SLC25A40: variants seen among roughly 807,000 people sequenced by gnomAD.
The protein encoded by SLC25A40 is mitochondrial glutathione transporter SLC25A40.
Under a neutral mutation model 46.5 loss-of-function variants are expected in SLC25A40, and 41 were observed. That is an observed-to-expected ratio of 0.88 (90% CI 0.69 to 1.14). SLC25A40 has a LOEUF of 1.14. Among genes scored for constraint, SLC25A40 ranks in the 50% most tolerant of loss-of-function variants. The pLI, the probability that SLC25A40 is intolerant of heterozygous loss-of-function variation, is 0.00. For missense variants in SLC25A40, 386 were observed against 393.6 expected (o/e 0.98, Z 0.16); for synonymous variants, 126 against 127.5 (o/e 0.99, Z 0.08).
At chr7:87,847,802 A>C (rs1331248674) in intron 7 of SLC25A40, 51 bp downstream of exon 7, 1 of 1,557,502 alleles carries the variant, frequency 6.4e-7, no homozygotes, top group African/African-American at 1.4e-5. Flanking sequence ...TCACAACTTA[A>C]ACAGAAGCTC....
At chr7:87,840,207 A>T (rs914932975) in intron 10 of SLC25A40, among the ~76,000 whole-genome samples, 19 of 151,748 alleles carry the variant, frequency 1.3e-4, no homozygotes, top group Non-Finnish European at 2.8e-4. Flanking sequence ...GATAGGTAAG[A>T]GTTAAATCTA....
intron 10 of SLC25A40, among the ~76,000 whole-genome samples, chr7:87,839,677 T>C (rs1838303314): frequency 6.6e-6 from 1 of 151,740 alleles, no homozygotes; most frequent in African/African-American, 2.4e-5. Context: ...CAGCCTCTCT[T>C]CCAGTAGATT....
intron 6 of SLC25A40, 147 bp downstream of exon 6, chr7:87,849,732 CAT>C (rs1382206411): frequency 7.4e-6 from 4 of 538,426 alleles, no homozygotes; most frequent in African/African-American, 5.9e-5. Context: ...CATCATCAAA[CAT>C]GTGGGTGGCT....
chr7:87,865,254 A>G (rs1217137089), intron 1 of SLC25A40, among the ~76,000 whole-genome samples: 1 of 151,694 alleles, frequency 6.6e-6, no homozygotes, highest in Non-Finnish European at 1.5e-5. Flanking sequence ...AAAGATGAAA[A>G]CTTATTTTAG....
At chr7:87,836,394 AT>A (rs766223845) in intron 11 of SLC25A40, 33 bp from the exon 12 acceptor site, 6 of 1,317,716 alleles carry the variant, frequency 4.6e-6, no homozygotes, top group Admixed American at 2.7e-5. Flanking sequence ...CAAAACAAAT[AT>A]TTTTTTCTTA....
In SLC25A40 at chr7:87,848,916, C is replaced by T. The variant is rs149345942; in HGVS notation, c.333-939G>A. Among the ~76,000 whole-genome samples the T allele has an allele frequency of 4.6e-5, 7 of 152,264 alleles. No homozygotes were observed. The East Asian group carries it at 1.3e-3, about 29-fold the overall frequency. On this transcript the variant is annotated intron_variant, in intron 6 of 11. Coordinates refer to ENST00000341119, the MANE Select transcript of SLC25A40 (RefSeq NM_018843.4). ...TCTGCCACTAACTTTAAACCTTAAA[C>T]ATTGTTTAAAATAAATGCCTCAAAT...
intron 8 of SLC25A40, among the ~76,000 whole-genome samples, chr7:87,844,395 A>G (rs957566631): frequency 6.6e-6 from 1 of 152,090 alleles, no homozygotes; most frequent in Admixed American, 6.6e-5. Flanking sequence ...ATTTCTTGGA[A>G]ACCTAGAAGT....
At chr7:87,871,169 C>T (rs887542207) in intron 1 of SLC25A40, among the ~76,000 whole-genome samples, 4 of 152,164 alleles carry the variant, frequency 2.6e-5, no homozygotes, top group African/African-American at 9.7e-5. Flanking sequence ...TTGCCCCTGC[C>T]GGTGCTCATG....
intron 2 of SLC25A40, among the ~76,000 whole-genome samples, chr7:87,859,441 CA>C (rs1263761483): frequency 6.7e-6 from 1 of 150,010 alleles, no homozygotes; most frequent in Admixed American, 6.6e-5. Flanking sequence ...GACTCTGTCT[CA>C]AAAAAAAATA....
In SLC25A40 at chr7:87,846,977, A is replaced by G; in HGVS notation, c.603T>C (p.Pro201=). The G allele has an allele frequency of 6.2e-7, 1 of 1,613,150 alleles. No homozygotes were observed. Residue 201 remains proline, a synonymous_variant, in exon 8 of 12, where the codon CCT becomes CCC. Transcript: ENST00000341119. The part of the protein sequence containing the change: ...GWISLWRGWA[P]TVLRDVPFSA... Reference sequence around the variant, plus strand: ...AGAAAGGTACATCTCTAAGAACAGTAGGAGCCCAGCCCCTCCAAAGGGAAA... The same window carrying G: ...AGAAAGGTACATCTCTAAGAACAGTGGGAGCCCAGCCCCTCCAAAGGGAAA...
intron 5 of SLC25A40, among the ~76,000 whole-genome samples, chr7:87,853,439 T>C (rs138863596): frequency 7.8e-4 from 119 of 152,336 alleles, no homozygotes; most frequent in African/African-American, 2.7e-3. Flanking sequence ...ACTATAAACA[T>C]GTAACTACCA....
intron 8 of SLC25A40, 69 bp from the exon 9 acceptor site, chr7:87,843,932 GA>G: frequency 7.0e-7 from 1 of 1,430,412 alleles, no homozygotes; most frequent in Non-Finnish European, 9.4e-7. Flanking sequence ...AAAGAGTTAT[GA>G]GGTTATATAT....
intron 3 of SLC25A40, 81 bp downstream of exon 3, chr7:87,858,550 T>C (rs1838649353): frequency 3.8e-6 from 3 of 792,016 alleles, no homozygotes; most frequent in Middle Eastern, 6.3e-4. Flanking sequence ...AGAAACTACG[T>C]TGAAATACTG....
intron 1 of SLC25A40, among the ~76,000 whole-genome samples, chr7:87,865,194 G>A (rs1450829934): frequency 6.6e-6 from 1 of 151,556 alleles, no homozygotes; most frequent in Non-Finnish European, 1.5e-5. Context: ...TTCCATTGTG[G>A]TTGGCATGAA....
At chr7:87,874,600 G>T (rs927262702) in intron 1 of SLC25A40, among the ~76,000 whole-genome samples, 42 of 152,130 alleles carry the variant, frequency 2.8e-4, no homozygotes, top group Admixed American at 2.0e-3. Flanking sequence ...TCTGTCCTGG[G>T]GATGAAGGAA....
At chr7:87,874,087 T>A (rs907118201) in intron 1 of SLC25A40, among the ~76,000 whole-genome samples, 3 of 152,220 alleles carry the variant, frequency 2.0e-5, no homozygotes, top group Non-Finnish European at 4.4e-5. Flanking sequence ...CTGTGGCTAC[T>A]AACAGATTTA....
intron 6 of SLC25A40, among the ~76,000 whole-genome samples, chr7:87,849,600 G>GC (rs1838476695): frequency 1.3e-5 from 2 of 152,228 alleles, no homozygotes; most frequent in Admixed American, 6.5e-5. Context: ...GACTTTGGAA[G>GC]CCTATTTCTG....
rs1182493656 is a variant in SLC25A40 at position 87,845,940 on chromosome 7, T to C, written c.631+1009A>G. 3.9e-5 allele frequency among the ~76,000 whole-genome samples: 6 copies of C among 152,292 alleles called. No homozygotes were observed. In the South Asian group the frequency reaches 1.0e-3, roughly 26 times the overall value. On this transcript the variant is annotated intron_variant, in intron 8 of 11. Transcript: ENST00000341119. ...CTTTGGAAAAGAGTTCTATATTACC[T>C]AGTAAAATTTGAAATGTATGTATAT...
In SLC25A40 at chr7:87,836,282, G is replaced by A; in HGVS notation, c.984C>T (p.Phe328=). The change falls in exon 12 of 12, where the codon TTC becomes TTT. Residue 328 remains phenylalanine, a synonymous_variant. Coordinates refer to ENST00000341119, the MANE Select transcript of SLC25A40 (RefSeq NM_018843.4). ...ISTYEFGKAF[F]QKQNVRRQQY is the part of the protein sequence containing the mutation. ...GCTGCCTTCGAACATTTTGTTTCTG[G>A]AAAAAAGCCTTTCCAAATTCATATG... 1.3e-6 allele frequency: 2 copies of A among 1,583,576 alleles called. No individual in the cohort carries two copies. Among genetic ancestry groups the A allele is most frequent in the Non-Finnish European group, 8.6e-7 (1 of 1,168,848 alleles).
Sources: allele counts gnomAD v4.1 joint callset (sites outside exome capture counted in the v4.1 genomes callset), GRCh38; gene constraint gnomAD v4.1.1; transcripts MANE v1.5; gene names NCBI Gene and HGNC (gene_info 2026-07-23, HGNC 2026-07-21).